The following NLGN1 variants were observed in gnomAD, a reference collection of about 807,000 sequenced individuals.
NLGN1 encodes the protein neuroligin 1.
In NLGN1, 12 loss-of-function variants were observed where a neutral mutation model predicts 65.5. The ratio of observed to expected loss-of-function variants is 0.18; its 90% CI spans 0.12 to 0.30. The LOEUF is 0.30. Among genes scored for constraint, NLGN1 ranks in the 10% least tolerant of loss-of-function variants. The pLI is 1.00. For synonymous variants in NLGN1, 350 were observed against 359.5 expected (o/e 0.97, Z 0.30); for missense variants, 750 against 1,007.1 (o/e 0.74, Z 3.46).
chr3:173,688,111 A>G (rs1475594022), intron 3 of NLGN1, among the ~76,000 whole-genome samples: 1 of 152,206 alleles, frequency 6.6e-6, no homozygotes, highest in East Asian at 1.9e-4. Context: ...ATGATGAGAT[A>G]CTGCTGGTCA....
At chr3:173,470,180 A>G (rs1219629737) in intron 2 of NLGN1, among the ~76,000 whole-genome samples, 1 of 152,030 alleles carries the variant, frequency 6.6e-6, no homozygotes, top group Admixed American at 6.6e-5. Flanking sequence ...CTTCTTTTTT[A>G]AACAGAGAAA....
At chr3:173,912,161 G>A (rs1269984026) in intron 4 of NLGN1, among the ~76,000 whole-genome samples, 1 of 152,166 alleles carries the variant, frequency 6.6e-6, no homozygotes, top group African/African-American at 2.4e-5. Flanking sequence ...AGATCTTTAA[G>A]AAAGGTAGAC....
At chr3:173,971,931 G>T in intron 4 of NLGN1, among the ~76,000 whole-genome samples, 1 of 151,904 alleles carries the variant, frequency 6.6e-6, no homozygotes, top group East Asian at 2.0e-4. Flanking sequence ...GGCCAGTAAT[G>T]AGATAAAGAA....
At chr3:173,639,731 G>A (rs1757112140) in intron 3 of NLGN1, among the ~76,000 whole-genome samples, 1 of 152,148 alleles carries the variant, frequency 6.6e-6, no homozygotes, top group Non-Finnish European at 1.5e-5. Flanking sequence ...GGCTTAATGA[G>A]TTCACAACTG....
intron 4 of NLGN1, among the ~76,000 whole-genome samples, chr3:174,207,877 T>C (rs1224643356): frequency 2.0e-5 from 3 of 152,210 alleles, no homozygotes; most frequent in Non-Finnish European, 4.4e-5. Flanking sequence ...CAAATGAATT[T>C]CTCTTAATTG....
chr3:173,954,687 C>T (rs1029348663), intron 4 of NLGN1, among the ~76,000 whole-genome samples: 2 of 151,990 alleles, frequency 1.3e-5, no homozygotes, highest in South Asian at 2.1e-4. Context: ...ATTGCTCACA[C>T]GGTCACTAAA....
chr3:174,024,141 TAAAAAAAAAA>T (rs34508881), intron 4 of NLGN1, among the ~76,000 whole-genome samples: 6 of 86,038 alleles, frequency 7.0e-5, no homozygotes, highest in African/African-American at 2.2e-4. Context: ...AGAGTCCTAT[TAAAAAAAAAA>T]AAAAAAAAAA....
chr3:173,748,022 A>T lies in NLGN1; in HGVS notation c.494-59658A>T, dbSNP rs184973168. ...ACCATGTTGACCAGGCTGGTCTCAAATTCCTGACCTTAAGTGATCTGCCCA... is the reference window on the plus strand; with the variant it reads ...ACCATGTTGACCAGGCTGGTCTCAATTTCCTGACCTTAAGTGATCTGCCCA... On this transcript the variant is annotated intron_variant, in intron 3 of 6. Coordinates refer to ENST00000457714, the Ensembl canonical transcript of NLGN1. Among the ~76,000 whole-genome samples the T allele has an allele frequency of 2.6e-5, 4 of 151,534 alleles. No individual in the cohort carries two copies. In the South Asian group the frequency reaches 6.3e-4, roughly 24 times the overall value.
chr3:173,589,424 A>G (rs1466298576), intron 2 of NLGN1, among the ~76,000 whole-genome samples: 2 of 152,154 alleles, frequency 1.3e-5, no homozygotes, highest in African/African-American at 2.4e-5. Flanking sequence ...TGCATAGTCA[A>G]CTTTCCTCTA....
intron 3 of NLGN1, among the ~76,000 whole-genome samples, chr3:173,714,359 A>G (rs547377213): frequency 6.6e-6 from 1 of 152,252 alleles, no homozygotes; most frequent in East Asian, 1.9e-4. Context: ...TAATGCAGAT[A>G]AAGGGCTTAG....
chr3:173,663,793 A>G (rs1177441331), intron 3 of NLGN1, among the ~76,000 whole-genome samples: 1 of 151,958 alleles, frequency 6.6e-6, no homozygotes, highest in Non-Finnish European at 1.5e-5. Flanking sequence ...TAGACAGAGG[A>G]TTCACAGATA....
intron 3 of NLGN1, among the ~76,000 whole-genome samples, chr3:173,751,894 A>G (rs1370265811): frequency 1.3e-5 from 2 of 152,076 alleles, no homozygotes; most frequent in Non-Finnish European, 1.5e-5. Context: ...TTAAGGAGTT[A>G]ATTAGCTTGA....
intron 2 of NLGN1, among the ~76,000 whole-genome samples, chr3:173,507,587 T>G (rs957578669): frequency 5.9e-5 from 9 of 152,266 alleles, no homozygotes; most frequent in Admixed American, 3.9e-4. Flanking sequence ...TTTCAGGTAA[T>G]AGTTATTTAT....
At chr3:174,134,382 C>G (rs990489100) in intron 4 of NLGN1, among the ~76,000 whole-genome samples, 1 of 152,246 alleles carries the variant, frequency 6.6e-6, no homozygotes, top group East Asian at 1.9e-4. Flanking sequence ...TCAACACTTT[C>G]ATGTACATGA....
At chr3:173,463,089 A>G (rs1723679608) in intron 2 of NLGN1, among the ~76,000 whole-genome samples, 1 of 152,182 alleles carries the variant, frequency 6.6e-6, no homozygotes, top group Non-Finnish European at 1.5e-5. Flanking sequence ...TGCTCAATTT[A>G]GCTCTGAGAA....
chr3:173,532,484 C>T (rs941033836), intron 2 of NLGN1, among the ~76,000 whole-genome samples: 12 of 152,128 alleles, frequency 7.9e-5, no homozygotes, highest in Non-Finnish European at 1.3e-4. Context: ...TTAAAGCAAA[C>T]CAGAATTTAC....
chr3:173,531,650 T>G (rs553159567), intron 2 of NLGN1, among the ~76,000 whole-genome samples: 1 of 152,126 alleles, frequency 6.6e-6, no homozygotes, highest in South Asian at 2.1e-4. Flanking sequence ...CCAGCTAAAC[T>G]TTCAACTACC....
intron 2 of NLGN1, among the ~76,000 whole-genome samples, chr3:173,547,904 C>A (rs972053198): frequency 6.6e-6 from 1 of 151,942 alleles, no homozygotes; most frequent in African/African-American, 2.4e-5. Flanking sequence ...ATGTCTCCTT[C>A]TAATGGCTTA....
At chr3:174,080,427 A>G (rs1477750204) in intron 4 of NLGN1, among the ~76,000 whole-genome samples, 1 of 152,230 alleles carries the variant, frequency 6.6e-6, no homozygotes, top group Admixed American at 6.5e-5. Flanking sequence ...AAGAAGGCCT[A>G]GCAGGCGACT....
Sources: allele counts gnomAD v4.1 joint callset (sites outside exome capture counted in the v4.1 genomes callset), GRCh38; gene constraint gnomAD v4.1.1; transcripts MANE v1.5; gene names NCBI Gene and HGNC (gene_info 2026-07-23, HGNC 2026-07-21).